TRMT9B: variants seen among roughly 807,000 people sequenced by gnomAD.
TRMT9B encodes the protein tRNA methyltransferase 9B (putative), also known as probable tRNA methyltransferase 9B.
Under a neutral mutation model 11.5 loss-of-function variants are expected in TRMT9B, and 16 were observed. That is an observed-to-expected ratio of 1.39 (90% CI 0.94 to 2.11). TRMT9B has a LOEUF of 2.11. Ranked by LOEUF, TRMT9B falls within the 30% of genes most tolerant of loss-of-function variation. The probability of loss-of-function intolerance (pLI) is 0.00; values close to 1 mark genes in which losing one functional copy is unlikely to be tolerated. For synonymous variants in TRMT9B, 274 were observed against 192.4 expected (o/e 1.42, Z -3.51); for missense variants, 941 against 553.8 (o/e 1.70, Z -7.02).
intron 1 of TRMT9B, among the ~76,000 whole-genome samples, chr8:12,956,831 C>T (rs1048726310): frequency 1.3e-5 from 2 of 152,138 alleles, no homozygotes; most frequent in African/African-American, 4.8e-5. Context: ...TACCCTGGTG[C>T]TTGTCAGATT....
At chr8:12,993,933 T>A (rs1239026784) in intron 2 of TRMT9B, among the ~76,000 whole-genome samples, 1 of 152,214 alleles carries the variant, frequency 6.6e-6, no homozygotes, top group African/African-American at 2.4e-5. Context: ...AAACTAAACC[T>A]CGGGAAAGTT....
rs1814619053 is a variant in TRMT9B at position 13,025,779 on chromosome 8, A to G, written c.*3735A>G. ...GAGTTTGGTTTCGTTCTCTTTTCTC[A>G]TCATAGATCTCCGTGCAGAATAGTG... On this transcript the variant is annotated 3_prime_UTR_variant, in exon 5 of 5. Transcript: ENST00000524591. 2 of 166,946 alleles carry G rather than the reference A, an allele frequency of 1.2e-5. No individual in the cohort carries two copies. 10.3% of individuals were successfully genotyped at this position (166,946 alleles called of 1,614,324 possible).
intron 1 of TRMT9B, chr8:12,961,717 AAG>A (rs570617087): frequency 0.31 from 38,021 of 121,964 alleles, 5,809 homozygotes; most frequent in Middle Eastern, 0.43. Flanking sequence ...AAAAAAAAAA[AAG>A]AAAGAAGAAA....
intron 1 of TRMT9B, among the ~76,000 whole-genome samples, chr8:12,981,177 ACT>A (rs751594032): frequency 5.9e-4 from 90 of 152,266 alleles, no homozygotes; most frequent in Non-Finnish European, 1.1e-3. Context: ...CCACGAAGTC[ACT>A]CTGCGGATTC....
chr8:12,991,888 G>A (rs971131433), intron 2 of TRMT9B, among the ~76,000 whole-genome samples: 2 of 152,112 alleles, frequency 1.3e-5, no homozygotes, highest in African/African-American at 4.8e-5. Context: ...CCGAGATTGC[G>A]CCACTGCACT....
rs1814536552 is a variant in TRMT9B at position 13,025,131 on chromosome 8, C to T, written c.*3087C>T. The stretch of plus-strand genomic sequence containing the variant: ...TAATACTAGATCACACAGTGTCTTT[C>T]TTATTCCTTCTTCTTTACTTACTGG... On this transcript the variant is annotated 3_prime_UTR_variant, in exon 5 of 5. Coordinates refer to ENST00000524591, the MANE Select transcript of TRMT9B (RefSeq NM_020844.3). 6.0e-6 allele frequency: 1 copy of T among 166,964 alleles called. No homozygotes were observed. The highest frequency in any genetic ancestry group is 2.4e-5 in the African/African-American group (1 of 41,414). The allele number at this position is 166,964 out of a possible 1,614,324, so 10.3% of individuals were successfully genotyped here.
At chr8:12,985,535 G>A (rs1806152823) in intron 1 of TRMT9B, among the ~76,000 whole-genome samples, 1 of 152,136 alleles carries the variant, frequency 6.6e-6, no homozygotes, top group Non-Finnish European at 1.5e-5. Context: ...ACCCCAGGCT[G>A]TGCTTATTCA....
At position 12,991,173 on chromosome 8, in the gene TRMT9B, T is replaced by C. The variant is rs533230135; in HGVS notation, c.-2+142T>C. ...ATATAAAGTAAGTTGGAATTTATTTTTGCATGAGGTGGAAAACAGTATTTG... is the reference window on the plus strand; with the variant it reads ...ATATAAAGTAAGTTGGAATTTATTTCTGCATGAGGTGGAAAACAGTATTTG... On this transcript the variant is annotated intron_variant, in intron 2 of 4. Coordinates refer to ENST00000524591, the MANE Select transcript of TRMT9B (RefSeq NM_020844.3). The C allele has an allele frequency of 1.3e-3, 363 of 271,628 alleles. 1 individual carries two copies. The highest frequency in any genetic ancestry group is 1.9e-3 in the Non-Finnish European group (300 of 154,924). The allele number at this position is 271,628 out of a possible 1,614,324, so 16.8% of individuals were successfully genotyped here.
At chr8:12,997,319 C>T (rs767955742) in intron 2 of TRMT9B, among the ~76,000 whole-genome samples, 1 of 152,026 alleles carries the variant, frequency 6.6e-6, no homozygotes, top group African/African-American at 2.4e-5. Context: ...AGCCTGGCAT[C>T]TCCTCCCCTC....
Position 13,021,642 on chromosome 8 carries a change from G to C in TRMT9B, c.963G>C (p.Leu321Phe). The C allele has an allele frequency of 6.2e-7, 1 of 1,613,766 alleles. No homozygotes were observed. Among genetic ancestry groups the C allele is most frequent in the Non-Finnish European group, 8.5e-7 (1 of 1,179,738 alleles). Residue 321 changes from leucine (L) to phenylalanine (F), a missense_variant, in exon 5 of 5, where the codon TTG becomes TTC. Physicochemically the swap from Leu to Phe is conservative, Grantham distance 22 (BLOSUM62 0). Transcript: ENST00000524591. ...TGGAATCTTCTTCTGGAAAACACTTGGAGTGGCTGAGAGCACCAGGCACTC... is the reference window on the plus strand; with the variant it reads ...TGGAATCTTCTTCTGGAAAACACTTCGAGTGGCTGAGAGCACCAGGCACTC... ...VFVESSSGKH[L>F]EWLRAPGTLK...
intron 1 of TRMT9B, among the ~76,000 whole-genome samples, chr8:12,984,042 C>A (rs1805855543): frequency 6.6e-6 from 1 of 152,184 alleles, no homozygotes; most frequent in Non-Finnish European, 1.5e-5. Context: ...TGAGGTCACA[C>A]AACCGCAGAT....
chr8:13,002,141 G>C (rs1045816022), intron 2 of TRMT9B, among the ~76,000 whole-genome samples: 4 of 152,156 alleles, frequency 2.6e-5, no homozygotes, highest in Non-Finnish European at 5.9e-5. Flanking sequence ...GATGGTAGTA[G>C]AGGCCATAGA....
Position 12,993,845 on chromosome 8 carries a change from A to G in TRMT9B, c.-2+2814A>G, listed in dbSNP as rs139568330. On this transcript the variant is annotated intron_variant, in intron 2 of 4. Transcript: ENST00000524591. ...TAATACTTTAGTCCTTTGGCTATAC[A>G]TGTCAAAATCAACTAAAGCAAGAAG... 2.2e-3 allele frequency among the ~76,000 whole-genome samples: 332 copies of G among 152,344 alleles called. 1 individual carries two copies. The highest frequency in any genetic ancestry group is 3.4e-3 in the Middle Eastern group (1 of 292).
intron 3 of TRMT9B, chr8:13,012,309 G>A (rs1391932645): frequency 1.4e-5 from 14 of 986,840 alleles, no homozygotes; most frequent in Non-Finnish European, 1.7e-5. Flanking sequence ...AGGCACAGTG[G>A]CTTGCACCTG....
chr8:12,947,599 A>G (rs1222973064), intron 1 of TRMT9B, among the ~76,000 whole-genome samples: 1 of 152,256 alleles, frequency 6.6e-6, no homozygotes, highest in Admixed American at 6.5e-5. Context: ...CAACACATGC[A>G]TATTAATGCA....
rs1462520591 is a variant in TRMT9B at position 13,023,832 on chromosome 8, T to G, written c.*1788T>G. ...CTTTTGAACAAACTTAAAGAAATAT[T>G]TTTAAAGCGTATCTGAAAACGATTG... On this transcript the variant is annotated 3_prime_UTR_variant, in exon 5 of 5. Transcript: ENST00000524591. 1 of 166,764 alleles carries G rather than the reference T, an allele frequency of 6.0e-6. No homozygotes were observed. Among genetic ancestry groups the G allele is most frequent in the African/African-American group, 2.4e-5 (1 of 41,452 alleles). The allele number at this position is 166,764 out of a possible 1,614,324, so 10.3% of individuals were successfully genotyped here.
At chr8:12,967,806 ATT>A in intron 1 of TRMT9B, among the ~76,000 whole-genome samples, 1 of 152,256 alleles carries the variant, frequency 6.6e-6, no homozygotes, top group Non-Finnish European at 1.5e-5. Flanking sequence ...GTTTTGAAGC[ATT>A]GTTAACAGTT....
chr8:13,021,302 G>T lies in TRMT9B; in HGVS notation c.623G>T (p.Gly208Val). The T allele has an allele frequency of 2.5e-6, 4 of 1,614,022 alleles. No individual in the cohort carries two copies. The highest frequency in any genetic ancestry group is 3.4e-6 in the Non-Finnish European group (4 of 1,179,890). The change falls in exon 5 of 5, where the codon GGT becomes GTT. Residue 208 changes from glycine to valine, a missense_variant. Physicochemically the swap from Gly to Val is moderately radical, Grantham distance 109. Transcript: ENST00000524591. ...TCTGTTTGTTTTAAAGAGCAGTGTG[G>T]TTCAAAACGGTCCCACAGCGTGGGC... ...SCSVCFKEQC[G>V]SKRSHSVGYE... is the part of the protein sequence containing the mutation.
chr8:12,946,528 G>A (rs1361576827), intron 1 of TRMT9B, among the ~76,000 whole-genome samples: 3 of 152,126 alleles, frequency 2.0e-5, no homozygotes, highest in Admixed American at 2.0e-4. Flanking sequence ...GTGCACGGAG[G>A]GCGAAGGACC....
Sources: allele counts gnomAD v4.1 joint callset (sites outside exome capture counted in the v4.1 genomes callset), GRCh38; gene constraint gnomAD v4.1.1; transcripts MANE v1.5; gene names NCBI Gene and HGNC (gene_info 2026-07-23, HGNC 2026-07-21).